TTLL9: variants seen among roughly 807,000 people sequenced by gnomAD.
TTLL9 encodes probable tubulin polyglutamylase TTLL9.
In TTLL9, 47 loss-of-function variants were observed where a neutral mutation model predicts 65.6. The ratio of observed to expected loss-of-function variants is 0.72; its 90% CI spans 0.57 to 0.91. The LOEUF (loss-of-function observed/expected upper bound fraction) is 0.91. Among genes scored for constraint, TTLL9 ranks in the 40% least tolerant of loss-of-function variants. TTLL9 has a pLI of 0.00. For synonymous variants in TTLL9, 179 were observed against 204.8 expected (o/e 0.87, Z 1.07); for missense variants, 537 against 568.8 (o/e 0.94, Z 0.57).
At chr20:31,896,945 AG>A in intron 3 of TTLL9, among the ~76,000 whole-genome samples, 1 of 152,202 alleles carries the variant, frequency 6.6e-6, no homozygotes, top group East Asian at 1.9e-4. Context: ...CATTTTGTTA[AG>A]GATTTTTCCA....
intron 2 of TTLL9, among the ~76,000 whole-genome samples, chr20:31,883,843 C>G (rs998975313): frequency 3.0e-4 from 46 of 152,072 alleles, no homozygotes; most frequent in African/African-American, 1.1e-3. Context: ...TTCTTAAAAG[C>G]TGAAATAGAG....
intron 3 of TTLL9, among the ~76,000 whole-genome samples, chr20:31,895,813 G>GTATTTATT (rs34278083): frequency 0.02 from 2,953 of 148,030 alleles, 66 homozygotes; most frequent in African/African-American, 0.051. Context: ...GGTTATTCAT[G>GTATTTATT]TATTTATTTA....
Position 31,924,985 on chromosome 20 carries a change from A to G in TTLL9, c.665-24A>G, listed in dbSNP as rs759449241. The G allele has an allele frequency of 3.1e-6, 5 of 1,613,866 alleles. No homozygotes were observed. The South Asian group carries it at 5.5e-5, about 18-fold the overall frequency. On this transcript the variant is annotated intron_variant, in intron 8 of 14. Transcript: ENST00000535842. Reference sequence around the variant, plus strand: ...CTGACGATCAATATTTGTTGCACAAATTAATTTTTTCCTTGCCTGACAGGC... The same window carrying G: ...CTGACGATCAATATTTGTTGCACAAGTTAATTTTTTCCTTGCCTGACAGGC...
chr20:31,913,017 G>A (rs573892787), intron 6 of TTLL9, among the ~76,000 whole-genome samples: 37 of 152,132 alleles, frequency 2.4e-4, no homozygotes, highest in African/African-American at 8.2e-4. Context: ...AATATTAGCT[G>A]AGTGTGGTGG....
intron 12 of TTLL9, among the ~76,000 whole-genome samples, chr20:31,935,123 G>A (rs1031294243): frequency 6.6e-6 from 1 of 152,202 alleles, no homozygotes; most frequent in Non-Finnish European, 1.5e-5. Flanking sequence ...GGAGCACTGA[G>A]GACCGAGCCT....
At chr20:31,885,124 T>C (rs1443515698) in intron 2 of TTLL9, among the ~76,000 whole-genome samples, 1 of 152,244 alleles carries the variant, frequency 6.6e-6, no homozygotes, top group East Asian at 1.9e-4. Context: ...ATAATGTCAC[T>C]TCCTGAAAAT....
chr20:31,936,272 A>G (rs1318655137), intron 12 of TTLL9, among the ~76,000 whole-genome samples: 3 of 152,120 alleles, frequency 2.0e-5, no homozygotes, highest in Non-Finnish European at 4.4e-5. Context: ...CAATTTATTG[A>G]CAGGCTCTAA....
intron 7 of TTLL9, 93 bp downstream of exon 7, chr20:31,920,025 C>A: frequency 8.3e-7 from 1 of 1,200,026 alleles, no homozygotes; most frequent in African/African-American, 1.6e-5. Context: ...GCTCAGAGGG[C>A]TGGCAGAGAA....
chr20:31,886,028 C>T (rs980991376), intron 2 of TTLL9, among the ~76,000 whole-genome samples: 4 of 152,230 alleles, frequency 2.6e-5, no homozygotes, highest in East Asian at 1.9e-4. Context: ...CGTCCTACAA[C>T]CCTAGGCAAC....
Position 31,943,006 on chromosome 20 carries a change from G to A in TTLL9, c.1305G>A (p.Lys435=), listed in dbSNP as rs1288982306. 3 of 1,613,966 alleles carry A rather than the reference G, an allele frequency of 1.9e-6. No homozygotes were observed. The South Asian group carries it at 3.3e-5, about 18-fold the overall frequency. Reference sequence around the variant, plus strand: ...TCTTCTGCTCCCTTCAAGTTCAGAAGAAAGCTTCCAGTTGATCCCCAGCTG... The same window carrying A: ...TCTTCTGCTCCCTTCAAGTTCAGAAAAAAGCTTCCAGTTGATCCCCAGCTG... ...RQLFCSLQVQ[K]KASS The change falls in exon 15 of 15, where the codon AAG becomes AAA. Residue 435 remains lysine, a synonymous_variant. Transcript: ENST00000535842.
chr20:31,942,943 A>C lies in TTLL9; in HGVS notation c.1244-2A>C, dbSNP rs1298823365. ...CCAGCCAACACCCCACTTCCTTTCCAGGCTGCGTCAACGATCGGAAGAAAC... is the reference window on the plus strand; with the variant it reads ...CCAGCCAACACCCCACTTCCTTTCCCGGCTGCGTCAACGATCGGAAGAAAC... On this transcript the variant is annotated splice_acceptor_variant, in intron 14 of 14. Coordinates refer to ENST00000535842, the MANE Select transcript of TTLL9 (RefSeq NM_001008409.5). LOFTEE classifies it high-confidence loss of function. 1 of 1,614,002 alleles carries C rather than the reference A, an allele frequency of 6.2e-7. No homozygotes were observed. The highest frequency in any genetic ancestry group is 1.3e-5 in the African/African-American group (1 of 74,996).
chr20:31,922,344 C>A (rs2063826770), intron 7 of TTLL9, among the ~76,000 whole-genome samples: 1 of 152,100 alleles, frequency 6.6e-6, no homozygotes, highest in South Asian at 2.1e-4. Context: ...GGCTTTATCA[C>A]ACTAAGTGCA....
chr20:31,913,677 CA>C (rs1568798166), intron 6 of TTLL9, among the ~76,000 whole-genome samples: 1 of 152,210 alleles, frequency 6.6e-6, no homozygotes, highest in East Asian at 1.9e-4. Context: ...CCGTCTACAC[CA>C]CCCTGTGGGG....
intron 4 of TTLL9, among the ~76,000 whole-genome samples, chr20:31,906,883 C>CA (rs1489096976): frequency 6.6e-6 from 1 of 152,144 alleles, no homozygotes; most frequent in Admixed American, 6.5e-5. Flanking sequence ...CTCCCAAACT[C>CA]AAACAATCCA....
Position 31,943,486 on chromosome 20 carries a change from A to C in TTLL9, c.*465A>C. On this transcript the variant is annotated 3_prime_UTR_variant, in exon 15 of 15. Transcript: ENST00000535842. ...AGGTCCTTCAGGAGCAAGAGTTTGGAGGCTAAGGAACTCGTCTTTAAGCTG... is the reference window on the plus strand; with the variant it reads ...AGGTCCTTCAGGAGCAAGAGTTTGGCGGCTAAGGAACTCGTCTTTAAGCTG... 3.1e-6 allele frequency: 1 copy of C among 322,472 alleles called. No homozygotes were observed. The highest frequency in any genetic ancestry group is 6.2e-6 in the Non-Finnish European group (1 of 162,268). The allele number at this position is 322,472 out of a possible 1,614,324, so 20.0% of individuals were successfully genotyped here. A position where few individuals can be genotyped will look rare whatever the true frequency, so the allele number is the denominator to read the frequency against.
At chr20:31,932,356 C>CA (rs2064030838) in intron 10 of TTLL9, among the ~76,000 whole-genome samples, 1 of 151,526 alleles carries the variant, frequency 6.6e-6, no homozygotes, top group East Asian at 1.9e-4. Context: ...CCTGTAGTCC[C>CA]ACCTACTTGG....
At chr20:31,894,102 T>TC (rs2063349152) in intron 3 of TTLL9, among the ~76,000 whole-genome samples, 1 of 142,608 alleles carries the variant, frequency 7.0e-6, no homozygotes, top group African/African-American at 2.6e-5. Flanking sequence ...TTGGTTCTTT[T>TC]TTTTTTTTTT....
chr20:31,943,047 C>T lies in TTLL9; in HGVS notation c.*26C>T. 6.2e-7 allele frequency: 1 copy of T among 1,611,108 alleles called. No homozygotes were observed. The highest frequency in any genetic ancestry group is 8.5e-7 in the Non-Finnish European group (1 of 1,177,946). On this transcript the variant is annotated 3_prime_UTR_variant, in exon 15 of 15. Transcript: ENST00000535842. The stretch of plus-strand genomic sequence containing the variant: ...TCCCCAGCTGCCAGGAGGAAATCAG[C>T]CTTAGCAGGTGCCACCCAGGCCTCC...
chr20:31,927,497 A>G (rs1035699608), intron 10 of TTLL9, among the ~76,000 whole-genome samples: 9 of 151,580 alleles, frequency 5.9e-5, no homozygotes, highest in African/African-American at 1.4e-4. Flanking sequence ...AAAAAAAAAA[A>G]AAAAAAAGAA....
Sources: gnomAD v4.1 joint callset for allele counts (sites outside exome capture counted in the v4.1 genomes callset) on GRCh38, gnomAD v4.1.1 for gene constraint, MANE v1.5 for transcripts, NCBI Gene and HGNC (gene_info 2026-07-23, HGNC 2026-07-21) for gene names.